ASTN2: variants seen among roughly 807,000 people sequenced by gnomAD.
The protein encoded by ASTN2 is astrotactin 2.
Under a neutral mutation model 139.8 loss-of-function variants are expected in ASTN2, and 54 were observed. The observed-to-expected ratio is 0.39, with a 90% CI of 0.31 to 0.48. ASTN2 has a LOEUF of 0.48. Among genes scored for constraint, ASTN2 ranks in the 20% least tolerant of loss-of-function variants. ASTN2 has a pLI of 0.95. For synonymous variants in ASTN2, 756 were observed against 719.5 expected, an observed-to-expected ratio of 1.05 and a Z score of -0.81; for missense variants, 1,565 against 1,725.1, an observed-to-expected ratio of 0.91 and a Z score of 1.64.
At chr9:116,700,886 G>C (rs1166097820) in intron 16 of ASTN2, 1 of 166,326 alleles carries the variant, frequency 6.0e-6, no homozygotes, top group Admixed American at 6.6e-5. Context: ...TCAAAATTCA[G>C]CCAAAAGCAC....
chr9:116,521,559 G>C (rs1042273374), intron 19 of ASTN2, among the ~76,000 whole-genome samples: 1 of 151,920 alleles, frequency 6.6e-6, no homozygotes, highest in African/African-American at 2.4e-5. Flanking sequence ...GATAACATTG[G>C]ACTAAGAAAA....
At chr9:117,217,664 G>C (rs1371535610) in intron 2 of ASTN2, among the ~76,000 whole-genome samples, 1 of 152,160 alleles carries the variant, frequency 6.6e-6, no homozygotes, top group Admixed American at 6.5e-5. Flanking sequence ...GAGTCATAAT[G>C]CCACCTCATT....
chr9:117,266,526 C>A (rs928615169), intron 2 of ASTN2, among the ~76,000 whole-genome samples: 4 of 152,170 alleles, frequency 2.6e-5, no homozygotes, highest in Non-Finnish European at 5.9e-5. Flanking sequence ...CATGGAGATG[C>A]CAACTTGAAA....
chr9:116,952,557 T>C (rs914602749), intron 10 of ASTN2, among the ~76,000 whole-genome samples: 3 of 152,222 alleles, frequency 2.0e-5, no homozygotes, highest in African/African-American at 7.2e-5. Context: ...AGGCACAGGC[T>C]GTGAGGCCTC....
intron 12 of ASTN2, among the ~76,000 whole-genome samples, chr9:116,810,181 T>C (rs1229727625): frequency 6.6e-6 from 1 of 152,192 alleles, no homozygotes; most frequent in Non-Finnish European, 1.5e-5. Context: ...AATTTGGAGT[T>C]CTCTAACTGA....
intron 5 of ASTN2, among the ~76,000 whole-genome samples, chr9:117,045,542 TA>T (rs773663388): frequency 1.3e-5 from 2 of 152,160 alleles, no homozygotes; most frequent in Non-Finnish European, 2.9e-5. Flanking sequence ...GAGAATGGCA[TA>T]AAATGCATTG....
At chr9:116,614,908 A>G (rs1464922357) in intron 19 of ASTN2, among the ~76,000 whole-genome samples, 1 of 152,220 alleles carries the variant, frequency 6.6e-6, no homozygotes, top group African/African-American at 2.4e-5. Flanking sequence ...CTGCACAACA[A>G]AAGAAACTAC....
chr9:116,430,603 C>A (rs952835624), intron 22 of ASTN2, among the ~76,000 whole-genome samples: 2 of 152,192 alleles, frequency 1.3e-5, no homozygotes, highest in Non-Finnish European at 2.9e-5. Context: ...AGTCACTTCA[C>A]CTCCCTAAGC....
chr9:116,516,471 G>A (rs1028867675), intron 19 of ASTN2, among the ~76,000 whole-genome samples: 1 of 152,004 alleles, frequency 6.6e-6, no homozygotes, highest in Non-Finnish European at 1.5e-5. Context: ...ATAGAATGAG[G>A]GCCTTTTCTC....
chr9:117,051,076 G>C (rs1554773277), intron 5 of ASTN2, among the ~76,000 whole-genome samples: 1 of 151,988 alleles, frequency 6.6e-6, no homozygotes, highest in Non-Finnish European at 1.5e-5. Context: ...TATATTTTCT[G>C]TTCTAATTTG....
chr9:116,738,941 A>G (rs1041325708), intron 13 of ASTN2, among the ~76,000 whole-genome samples: 21 of 152,180 alleles, frequency 1.4e-4, no homozygotes, highest in African/African-American at 5.1e-4. Context: ...TGCTTTCAAG[A>G]AAGCATTTTT....
At chr9:116,828,816 C>T (rs530588186) in intron 11 of ASTN2, among the ~76,000 whole-genome samples, 8 of 152,210 alleles carry the variant, frequency 5.3e-5, no homozygotes, top group Non-Finnish European at 1.2e-4. Flanking sequence ...CCTAAAGACT[C>T]TATCAAGTTT....
intron 3 of ASTN2, among the ~76,000 whole-genome samples, chr9:117,193,639 C>CAAAAAAAAAAAAAAA (rs61700943): frequency 1.9e-5 from 2 of 106,088 alleles, no homozygotes; most frequent in African/African-American, 3.7e-5. Flanking sequence ...ATTCAGTCAC[C>CAAAAAAAAAAAAAAA]AAAAAAAAAA....
At position 117,397,189 on chromosome 9, in the gene ASTN2, C is replaced by T. The variant is rs1049461225; in HGVS notation, c.442+17308G>A. ...AACTCCCAAAGTGCTGGGATTCAAG[C>T]GTGAGCCACAGCGCCTGGCCCATCC... On this transcript the variant is annotated intron_variant, in intron 1 of 22. Transcript: ENST00000313400. Among the ~76,000 whole-genome samples the T allele has an allele frequency of 6.6e-5, 10 of 152,210 alleles. No individual in the cohort carries two copies. In the East Asian group the frequency reaches 1.2e-3, roughly 18 times the overall value.
chr9:117,334,456 G>C (rs1489068577), intron 1 of ASTN2, among the ~76,000 whole-genome samples: 1 of 151,170 alleles, frequency 6.6e-6, no homozygotes, highest in Non-Finnish European at 1.5e-5. Context: ...GTCACTGTAA[G>C]GATTACATGA....
intron 11 of ASTN2, among the ~76,000 whole-genome samples, chr9:116,849,813 C>T (rs1009852161): frequency 6.6e-6 from 1 of 152,168 alleles, no homozygotes; most frequent in Non-Finnish European, 1.5e-5. Flanking sequence ...TCACATCACA[C>T]CTTCTCATTG....
intron 1 of ASTN2, among the ~76,000 whole-genome samples, chr9:117,360,058 T>G (rs925676093): frequency 1.6e-4 from 24 of 152,116 alleles, no homozygotes; most frequent in Admixed American, 7.9e-4. Flanking sequence ...CCAATGAAGA[T>G]CTTATTGACT....
At position 116,976,067 on chromosome 9, in the gene ASTN2, C is replaced by A. The variant is rs774856154; in HGVS notation, c.1751+47G>T. ...CCATGACCACATCTTCCTATCAGTC[C>A]TTTCTCCATTTCCCAGAATTATGCC... On this transcript the variant is annotated intron_variant, in intron 9 of 22. Transcript: ENST00000313400. The A allele has an allele frequency of 4.4e-6, 7 of 1,575,172 alleles. No homozygotes were observed. The African/African-American group carries it at 9.5e-5, about 21-fold the overall frequency.
chr9:117,204,673 A>T (rs962219270), intron 3 of ASTN2, among the ~76,000 whole-genome samples: 3 of 152,180 alleles, frequency 2.0e-5, no homozygotes, highest in African/African-American at 7.2e-5. Flanking sequence ...AGGGGCTAGG[A>T]AAACTCCTCC....
Sources: allele counts gnomAD v4.1 joint callset (sites outside exome capture counted in the v4.1 genomes callset), GRCh38; gene constraint gnomAD v4.1.1; transcripts MANE v1.5; gene names NCBI Gene and HGNC (gene_info 2026-07-23, HGNC 2026-07-21).